Variants in HPGDS observed in about 807,000 individuals in gnomAD.
HPGDS encodes GST class-sigma.
A neutral mutation model predicts 23.1 loss-of-function variants in HPGDS; 26 were observed. The observed-to-expected ratio is 1.13, with a 90% CI of 0.83 to 1.56. The LOEUF is 1.56. Ranked by LOEUF, HPGDS falls within the 40% of genes most tolerant of loss-of-function variation. The probability of loss-of-function intolerance (pLI) is 0.00; values close to 1 mark genes in which losing one functional copy is unlikely to be tolerated. For synonymous variants in HPGDS, 95 were observed against 77.9 expected, an observed-to-expected ratio of 1.22 and a Z score of -1.16; for missense variants, 268 against 236.4, an observed-to-expected ratio of 1.13 and a Z score of -0.88.
At chr4:94,329,646 T>G (rs191324487) in intron 2 of HPGDS, among the ~76,000 whole-genome samples, 5 of 152,324 alleles carry the variant, frequency 3.3e-5, no homozygotes, top group African/African-American at 7.2e-5. Context: ...TTTGTTCGCA[T>G]TAGAGCCATT....
chr4:94,337,067 C>G (rs1354571895), intron 1 of HPGDS, among the ~76,000 whole-genome samples: 1 of 152,110 alleles, frequency 6.6e-6, no homozygotes, highest in Non-Finnish European at 1.5e-5. Flanking sequence ...TGGATTCAAG[C>G]AATTCTCCTG....
chr4:94,321,396 C>A (rs1175586286), intron 2 of HPGDS, among the ~76,000 whole-genome samples: 1 of 152,198 alleles, frequency 6.6e-6, no homozygotes, highest in Non-Finnish European at 1.5e-5. Context: ...TACCCATGAG[C>A]ATGGAATGTT....
intron 2 of HPGDS, among the ~76,000 whole-genome samples, chr4:94,327,571 G>A (rs1193938085): frequency 6.6e-6 from 1 of 152,070 alleles, no homozygotes; most frequent in African/African-American, 2.4e-5. Flanking sequence ...CTGGTCCCCG[G>A]GCTTCATAAA....
At chr4:94,328,048 G>A (rs1756671348) in intron 2 of HPGDS, among the ~76,000 whole-genome samples, 1 of 152,216 alleles carries the variant, frequency 6.6e-6, no homozygotes, top group African/African-American at 2.4e-5. Flanking sequence ...TAGTCTCAGG[G>A]CCCATAAGGC....
intron 5 of HPGDS, 138 bp from the exon 6 acceptor site, chr4:94,299,782 G>C (rs2865351): frequency 2.6e-6 from 2 of 782,606 alleles, no homozygotes; most frequent in Non-Finnish European, 4.0e-6. Context: ...TTATATGATA[G>C]AAGTTCAGAA....
intron 4 of HPGDS, among the ~76,000 whole-genome samples, chr4:94,304,414 T>C (rs1240433415): frequency 2.6e-5 from 4 of 152,154 alleles, no homozygotes. Context: ...TTGCTTTTAA[T>C]TCTTTTTTTA....
In HPGDS at chr4:94,334,633, G is replaced by A. The variant is rs770042160; in HGVS notation, c.-4C>T. 5 of 1,608,848 alleles carry A rather than the reference G, an allele frequency of 3.1e-6. No homozygotes were observed. In the East Asian group the frequency reaches 1.1e-4, roughly 36 times the overall value. ...AAGTGAGTTTGTAGTTTGGCATGGT[G>A]CAATTCTGGAAAAAGAAAAAGGGAG... On this transcript the variant is annotated 5_prime_UTR_variant, in exon 2 of 6. Coordinates refer to ENST00000295256, the MANE Select transcript of HPGDS (RefSeq NM_014485.3).
intron 1 of HPGDS, among the ~76,000 whole-genome samples, chr4:94,340,305 CTTTCTCTTTTTTTT>C (rs1721120812): frequency 1.5e-4 from 4 of 26,226 alleles, no homozygotes; most frequent in African/African-American, 5.8e-4. Context: ...TTCTTTCTTT[CTTTCTCTTTTTTTT>C]TTTTTTTTTT....
At chr4:94,304,454 T>C (rs914684961) in intron 4 of HPGDS, among the ~76,000 whole-genome samples, 1 of 152,136 alleles carries the variant, frequency 6.6e-6, no homozygotes, top group Non-Finnish European at 1.5e-5. Flanking sequence ...TAATAAATAC[T>C]GTAAAATTGT....
chr4:94,331,455 T>A (rs1160421048), intron 2 of HPGDS, among the ~76,000 whole-genome samples: 1 of 152,188 alleles, frequency 6.6e-6, no homozygotes, highest in African/African-American at 2.4e-5. Context: ...TGATTGCCAT[T>A]TATGTCTTAA....
At chr4:94,334,221 C>A in intron 2 of HPGDS, 1 of 244,314 alleles carries the variant, frequency 4.1e-6, no homozygotes, top group Non-Finnish European at 7.7e-6. Flanking sequence ...AATAGAAAAA[C>A]AAACAAACAA....
chr4:94,308,773 G>T, intron 3 of HPGDS, 30 bp from the exon 4 acceptor site: 2 of 1,169,758 alleles, frequency 1.7e-6, no homozygotes, highest in South Asian at 1.3e-5. Context: ...CCATCAATAT[G>T]TTTAATTTAC....
intron 2 of HPGDS, among the ~76,000 whole-genome samples, chr4:94,318,561 T>C (rs1756441384): frequency 6.6e-6 from 1 of 152,290 alleles, no homozygotes; most frequent in South Asian, 2.1e-4. Flanking sequence ...TATTGATTTC[T>C]AGTTTTATTC....
chr4:94,300,894 G>A (rs929877977), intron 5 of HPGDS, among the ~76,000 whole-genome samples: 1 of 152,158 alleles, frequency 6.6e-6, no homozygotes, highest in Non-Finnish European at 1.5e-5. Context: ...GCCCTTAAGT[G>A]GGAATGTGAG....
chr4:94,317,961 G>C lies in HPGDS; in HGVS notation c.138C>G (p.Leu46=). The C allele has an allele frequency of 1.3e-6, 2 of 1,597,846 alleles. No homozygotes were observed. Among genetic ancestry groups the C allele is most frequent in the South Asian group, 1.1e-5 (1 of 89,788 alleles). Residue 46 remains leucine (L), a synonymous_variant, in exon 3 of 6, where the codon CTC becomes CTG. Coordinates refer to ENST00000295256, the MANE Select transcript of HPGDS (RefSeq NM_014485.3). ...QADWPEIKST[L]PFGKIPILEV... is the part of the protein sequence containing the mutation. ...CCAAAATGGGGATTTTTCCAAATGG[G>C]AGAGCTTAAAATGAAATGAGCAAAT...
chr4:94,341,752 T>A (rs150205191), intron 1 of HPGDS, among the ~76,000 whole-genome samples: 32 of 152,330 alleles, frequency 2.1e-4, no homozygotes, highest in African/African-American at 7.0e-4. Context: ...AAGATGCAGA[T>A]CTTAACTTGC....
chr4:94,320,420 C>G (rs559113283), intron 2 of HPGDS, among the ~76,000 whole-genome samples: 22 of 152,246 alleles, frequency 1.4e-4, no homozygotes, highest in Admixed American at 4.6e-4. Context: ...CTCTCCAGCA[C>G]CTGTTGTTTC....
At chr4:94,338,190 G>A (rs1380796260) in intron 1 of HPGDS, among the ~76,000 whole-genome samples, 2 of 152,136 alleles carry the variant, frequency 1.3e-5, no homozygotes, top group African/African-American at 4.8e-5. Flanking sequence ...TTGGGAGGCC[G>A]AGGCGGGCAG....
At chr4:94,314,093 T>A (rs1406872037) in intron 3 of HPGDS, among the ~76,000 whole-genome samples, 1 of 152,236 alleles carries the variant, frequency 6.6e-6, no homozygotes, top group East Asian at 1.9e-4. Flanking sequence ...AACTTCCTCC[T>A]TTAGCTCGGA....
Sources: gnomAD v4.1 joint callset for allele counts (sites outside exome capture counted in the v4.1 genomes callset) on GRCh38, gnomAD v4.1.1 for gene constraint, MANE v1.5 for transcripts, NCBI Gene and HGNC (gene_info 2026-07-23, HGNC 2026-07-21) for gene names.